ELAVL4: variants seen among roughly 807,000 people sequenced by gnomAD.
The protein encoded by ELAVL4 is ELAV like RNA binding protein 4.
Under a neutral mutation model 35.6 loss-of-function variants are expected in ELAVL4, and 1 was observed. The ratio of observed to expected loss-of-function variants is 0.03; its 90% CI spans 0.01 to 0.13. The LOEUF (loss-of-function observed/expected upper bound fraction) is 0.13, where lower values mean the gene tolerates loss of function less well. Ranked by LOEUF, ELAVL4 falls within the 10% of genes least tolerant of loss-of-function variation. The probability of loss-of-function intolerance (pLI) is 1.00; values close to 1 mark genes in which losing one functional copy is unlikely to be tolerated. For synonymous variants in ELAVL4, 156 were observed against 171.0 expected, an observed-to-expected ratio of 0.91 and a Z score of 0.69; for missense variants, 267 against 464.9, an observed-to-expected ratio of 0.57 and a Z score of 3.91.
At position 50,054,597 on chromosome 1, in the gene ELAVL4, C is replaced by T. The variant is rs193225395; in HGVS notation, c.18+6415C>T. Among the ~76,000 whole-genome samples, 23 of 151,836 alleles carry T rather than the reference C, an allele frequency of 1.5e-4. No individual in the cohort carries two copies. In the East Asian group the frequency reaches 2.9e-3, roughly 19 times the overall value. ...TTTGTTTATTTCTTATAGGATAGAC[C>T]TTATAATTATTATATTTGTGTATTT... is the stretch of plus-strand genomic sequence containing the variant. On this transcript the variant is annotated intron_variant, in intron 1 of 6. Coordinates refer to the ELAVL4 transcript ENST00000448907.
intron 1 of ELAVL4, among the ~76,000 whole-genome samples, chr1:50,070,342 T>C (rs1005699815): frequency 2.0e-5 from 3 of 152,188 alleles, no homozygotes; most frequent in Middle Eastern, 3.2e-3. Flanking sequence ...AGTGACTTAT[T>C]GGGGATAGGG....
At chr1:50,149,055 T>C (rs1674262061) in intron 2 of ELAVL4, among the ~76,000 whole-genome samples, 1 of 152,062 alleles carries the variant, frequency 6.6e-6, no homozygotes, top group Non-Finnish European at 1.5e-5. Flanking sequence ...GTGTTTATCT[T>C]GTTACCGCCC....
At chr1:50,181,770 G>A (rs1324187113) in intron 3 of ELAVL4, among the ~76,000 whole-genome samples, 1 of 152,162 alleles carries the variant, frequency 6.6e-6, no homozygotes, top group Non-Finnish European at 1.5e-5. Context: ...AGCAACCTCT[G>A]CCTCCTGGGT....
intron 2 of ELAVL4, among the ~76,000 whole-genome samples, chr1:50,168,978 A>T (rs1037583823): frequency 1.3e-5 from 2 of 148,326 alleles, no homozygotes; most frequent in African/African-American, 2.5e-5. Context: ...ACACACATAT[A>T]TATATGTATA....
At chr1:50,124,469 A>T (rs1387719431) in intron 1 of ELAVL4, among the ~76,000 whole-genome samples, 1 of 152,164 alleles carries the variant, frequency 6.6e-6, no homozygotes, top group Non-Finnish European at 1.5e-5. Flanking sequence ...ACGTAGTTTA[A>T]GTAACTTGTA....
intron 1 of ELAVL4, among the ~76,000 whole-genome samples, chr1:50,061,089 A>C (rs1403117343): frequency 6.6e-6 from 1 of 152,234 alleles, no homozygotes; most frequent in Admixed American, 6.5e-5. Flanking sequence ...CAAAGAGGTC[A>C]AGTTCACCAG....
At chr1:50,108,041 A>C (rs544213793), upstream of ELAVL4, among the ~76,000 whole-genome samples, 1 of 152,234 alleles carries the variant, frequency 6.6e-6, no homozygotes, top group African/African-American at 2.4e-5. Flanking sequence ...GCTGTTGTCA[A>C]AAGCATGTTT....
intron 1 of ELAVL4, among the ~76,000 whole-genome samples, chr1:50,119,096 A>AAAGAAAG: frequency 7.0e-6 from 1 of 143,388 alleles, no homozygotes; most frequent in South Asian, 2.3e-4. Flanking sequence ...AAGAAAGAAA[A>AAAGAAAG]AGAAAAAGAT....
intron 1 of ELAVL4, among the ~76,000 whole-genome samples, chr1:50,118,964 G>GA (rs1668450622): frequency 1.8e-5 from 2 of 109,276 alleles, no homozygotes; most frequent in Non-Finnish European, 3.8e-5. Flanking sequence ...GAGAGAGAGA[G>GA]GGAGGGAGGG....
Position 50,195,883 on chromosome 1 carries a change from A to G in ELAVL4, c.734+97A>G, listed in dbSNP as rs1644025128. 27 of 1,386,026 alleles carry G rather than the reference A, an allele frequency of 1.9e-5. No homozygotes were observed. The East Asian group carries it at 6.2e-4, about 32-fold the overall frequency. 85.9% of individuals were successfully genotyped at this position (1,386,026 alleles called of 1,614,324 possible). ...GGTCCTGACAAATGGGGCAAGGGTA[A>G]AAGCTTCCACCCCCAGGAATCACTG... On this transcript the variant is annotated intron_variant, in intron 5 of 6. Transcript: ENST00000371824.
chr1:50,134,542 C>T (rs1671570584), intron 1 of ELAVL4, among the ~76,000 whole-genome samples: 1 of 152,040 alleles, frequency 6.6e-6, no homozygotes, highest in Admixed American at 6.6e-5. Context: ...AATTGTTTTC[C>T]AATCGATTTT....
At chr1:50,092,165 G>A (rs1393478071) in intron 1 of ELAVL4, among the ~76,000 whole-genome samples, 1 of 152,210 alleles carries the variant, frequency 6.6e-6, no homozygotes, top group African/African-American at 2.4e-5. Flanking sequence ...ATGGATACAA[G>A]TACATATATA....
chr1:50,147,433 C>G (rs1008549350), intron 2 of ELAVL4, among the ~76,000 whole-genome samples: 1 of 152,182 alleles, frequency 6.6e-6, no homozygotes, highest in African/African-American at 2.4e-5. Flanking sequence ...CCTCCATCCA[C>G]CCGTTGTTCA....
At chr1:50,162,503 A>G (rs1676975222) in intron 2 of ELAVL4, among the ~76,000 whole-genome samples, 1 of 152,234 alleles carries the variant, frequency 6.6e-6, no homozygotes, top group South Asian at 2.1e-4. Context: ...GGAAGCCAGA[A>G]TATACCCTCT....
Position 50,195,548 on chromosome 1 carries a change from T to G in ELAVL4, c.509-13T>G. 1 of 1,613,502 alleles carries G rather than the reference T, an allele frequency of 6.2e-7. No homozygotes were observed. The highest frequency in any genetic ancestry group is 1.3e-5 in the African/African-American group (1 of 75,016). ...GTGTTCACTCTTTACAAAGGCTCTT[T>G]CTCTTTCCCCAGGAGTGTCCAGAGG... On this transcript the variant is annotated splice_polypyrimidine_tract_variant and intron_variant, in intron 4 of 6. Coordinates refer to ENST00000371824, the MANE Select transcript of ELAVL4 (RefSeq NM_001144774.3).
intron 1 of ELAVL4, among the ~76,000 whole-genome samples, chr1:50,081,499 A>G (rs1244785112): frequency 6.6e-6 from 1 of 152,220 alleles, no homozygotes; most frequent in Non-Finnish European, 1.5e-5. Flanking sequence ...CTGATTTCTG[A>G]GCCATTCATC....
chr1:50,049,457 T>C (rs1663240084), intron 1 of ELAVL4, among the ~76,000 whole-genome samples: 1 of 152,128 alleles, frequency 6.6e-6, no homozygotes, highest in African/African-American at 2.4e-5. Context: ...GTGGGTTGAG[T>C]TTAAAACACT....
At chr1:50,128,062 G>A (rs780714149) in intron 1 of ELAVL4, among the ~76,000 whole-genome samples, 1 of 152,224 alleles carries the variant, frequency 6.6e-6, no homozygotes. Flanking sequence ...GTTCTGCAGG[G>A]CTGTGAACCT....
At chr1:50,117,489 T>C (rs1668163515) in intron 1 of ELAVL4, among the ~76,000 whole-genome samples, 2 of 152,124 alleles carry the variant, frequency 1.3e-5, no homozygotes, top group South Asian at 4.1e-4. Flanking sequence ...TCAGAGTCAG[T>C]TGAACTTAAG....
Sources: gnomAD v4.1 joint callset for allele counts (sites outside exome capture counted in the v4.1 genomes callset) on GRCh38, gnomAD v4.1.1 for gene constraint, MANE v1.5 for transcripts, NCBI Gene and HGNC (gene_info 2026-07-23, HGNC 2026-07-21) for gene names.